SBF2: variants seen among roughly 807,000 people sequenced by gnomAD.
The protein encoded by SBF2 is SET binding factor 2.
SBF2 carries 112 observed loss-of-function variants against 225.2 expected under a neutral mutation model. The observed-to-expected ratio is 0.50, with a 90% CI of 0.43 to 0.58. The LOEUF (loss-of-function observed/expected upper bound fraction) is 0.58. Among genes scored for constraint, SBF2 ranks in the 20% least tolerant of loss-of-function variants. The pLI, the probability that SBF2 is intolerant of heterozygous loss-of-function variation, is 0.00. For synonymous variants in SBF2, 763 were observed against 773.3 expected (o/e 0.99, Z 0.22); for missense variants, 1,996 against 2,206.2 (o/e 0.90, Z 1.91).
chr11:10,247,883 T>G (rs1959965275), intron 1 of SBF2, among the ~76,000 whole-genome samples: 1 of 152,136 alleles, frequency 6.6e-6, no homozygotes, highest in South Asian at 2.1e-4. Context: ...TAACTTCATA[T>G]TGTTCAAAGA....
intron 4 of SBF2, 127 bp downstream of exon 4, chr11:10,030,921 C>T (rs982936405): frequency 2.5e-6 from 2 of 805,716 alleles, no homozygotes; most frequent in Non-Finnish European, 4.0e-6. Context: ...TTCATGCTAA[C>T]TGTATTTCAT....
At chr11:9,814,434 A>G (rs1016792820) in intron 29 of SBF2, among the ~76,000 whole-genome samples, 5 of 152,162 alleles carry the variant, frequency 3.3e-5, no homozygotes, top group African/African-American at 1.2e-4. Context: ...TGTCTTAATA[A>G]TTCTATTTTT....
chr11:9,891,075 G>T (rs1484736207), intron 17 of SBF2, among the ~76,000 whole-genome samples: 1 of 151,930 alleles, frequency 6.6e-6, no homozygotes, highest in Non-Finnish European at 1.5e-5. Flanking sequence ...GGTAGAGGTT[G>T]CAGTGAGCTG....
chr11:10,253,118 C>CAAA (rs546522229), intron 1 of SBF2, among the ~76,000 whole-genome samples: 18,018 of 76,566 alleles, frequency 0.24, 1,775 homozygotes, highest in Non-Finnish European at 0.31. Context: ...AGGTAAATAC[C>CAAA]AAAAAAAAAA....
intron 1 of SBF2, among the ~76,000 whole-genome samples, chr11:10,210,240 C>T (rs1457188947): frequency 6.6e-6 from 1 of 151,894 alleles, no homozygotes; most frequent in African/African-American, 2.4e-5. Context: ...CCTACAAGGT[C>T]AAGGCTGCAG....
chr11:9,783,265 A>G (rs1675248441), intron 38 of SBF2, among the ~76,000 whole-genome samples: 1 of 152,236 alleles, frequency 6.6e-6, no homozygotes, highest in African/African-American at 2.4e-5. Context: ...ATATTTGAAC[A>G]TAAATTATCT....
chr11:10,114,025 T>C (rs995146436), intron 2 of SBF2, among the ~76,000 whole-genome samples: 9 of 151,610 alleles, frequency 5.9e-5, no homozygotes, highest in Middle Eastern at 3.4e-3. Flanking sequence ...TATTGATCAA[T>C]GTTAGGAAGA....
intron 28 of SBF2, among the ~76,000 whole-genome samples, chr11:9,823,515 AAAAG>A (rs1192449065): frequency 2.0e-5 from 3 of 152,114 alleles, no homozygotes; most frequent in Admixed American, 6.5e-5. Flanking sequence ...AAAAAAAAAA[AAAAG>A]AAGAAGAAGA....
chr11:10,073,714 G>A (rs187393507), intron 2 of SBF2, among the ~76,000 whole-genome samples: 60 of 152,036 alleles, frequency 3.9e-4, no homozygotes, highest in African/African-American at 1.3e-3. Flanking sequence ...GACAGAGTGC[G>A]GCTCCAACTC....
chr11:10,248,603 A>G (rs906489964), intron 1 of SBF2, among the ~76,000 whole-genome samples: 1 of 152,258 alleles, frequency 6.6e-6, no homozygotes, highest in Non-Finnish European at 1.5e-5. Flanking sequence ...AGTGTAATGT[A>G]TATTTGAAAC....
intron 16 of SBF2, among the ~76,000 whole-genome samples, chr11:9,917,677 T>C (rs1397581398): frequency 6.6e-6 from 1 of 150,814 alleles, no homozygotes; most frequent in Non-Finnish European, 1.5e-5. Context: ...TTAGTATTCC[T>C]CACTTTTTTT....
At position 10,271,881 on chromosome 11, in the gene SBF2, T is replaced by A. The variant is rs1277243290; in HGVS notation, c.55+22134A>T. ...AAAATTCTATTCCTTCACCCAGTTT[T>A]CTCACTCAAGTAGAAACTCATGAAT... is the stretch of plus-strand genomic sequence containing the variant. On this transcript the variant is annotated intron_variant, in intron 1 of 39. Coordinates refer to ENST00000256190, the MANE Select transcript of SBF2 (RefSeq NM_030962.4). 1.8e-5 allele frequency among the ~76,000 whole-genome samples: 2 copies of A among 112,224 alleles called. 1 individual carries two copies. Among genetic ancestry groups the A allele is most frequent in the Admixed American group, 1.8e-4 (2 of 10,964 alleles). The allele number at this position is 112,224 out of a possible 152,430, so 73.6% of individuals were successfully genotyped here.
At chr11:9,853,159 C>A (rs1346737927) in intron 20 of SBF2, among the ~76,000 whole-genome samples, 1 of 152,080 alleles carries the variant, frequency 6.6e-6, no homozygotes, top group Non-Finnish European at 1.5e-5. Context: ...CCCAAAAGTA[C>A]AAATATTATC....
In SBF2 at chr11:10,201,978, C is replaced by T. The variant is rs371045251; in HGVS notation, c.56-7991G>A. 5.3e-5 allele frequency among the ~76,000 whole-genome samples: 8 copies of T among 152,312 alleles called. No individual in the cohort carries two copies. In the East Asian group the frequency reaches 9.6e-4, roughly 18 times the overall value. On this transcript the variant is annotated intron_variant, in intron 1 of 39. Transcript: ENST00000256190. ...GCTACACAGCTTTAATCCTTATAAA[C>T]TCACAGTTCACTGAGAATGTATAAA...
At chr11:10,252,316 A>G (rs188595853) in intron 1 of SBF2, among the ~76,000 whole-genome samples, 1 of 152,390 alleles carries the variant, frequency 6.6e-6, no homozygotes, top group East Asian at 1.9e-4. Flanking sequence ...AGCAAACCAA[A>G]TATGGCCTGA....
intron 26 of SBF2, 50 bp downstream of exon 26, chr11:9,839,448 T>C (rs780413625): frequency 1.3e-6 from 2 of 1,567,094 alleles, no homozygotes; most frequent in Admixed American, 3.3e-5. Context: ...AAGATTCAAA[T>C]AAGAAGAAAG....
Position 9,975,099 on chromosome 11 carries a change from A to T in SBF2, c.1396-6554T>A, listed in dbSNP as rs562250883. ...AAATAACGTAGACACTTGAGAAAAC[A>T]GTTTGGCAGTTTCCTATACAGTTAA... On this transcript the variant is annotated intron_variant, in intron 13 of 39. Transcript: ENST00000256190. 4.6e-5 allele frequency among the ~76,000 whole-genome samples: 7 copies of T among 152,204 alleles called. No individual in the cohort carries two copies. The East Asian group carries it at 1.3e-3, about 29-fold the overall frequency.
At chr11:10,264,573 ATTT>A (rs1343788643) in intron 1 of SBF2, among the ~76,000 whole-genome samples, 2 of 152,044 alleles carry the variant, frequency 1.3e-5, no homozygotes, top group Non-Finnish European at 2.9e-5. Context: ...TTATTTTTTT[ATTT>A]TTGTTAATTT....
intron 16 of SBF2, among the ~76,000 whole-genome samples, chr11:9,914,041 G>C (rs1862870560): frequency 6.6e-6 from 1 of 152,112 alleles, no homozygotes; most frequent in South Asian, 2.1e-4. Flanking sequence ...ATCACATTTG[G>C]CTATCAAGAT....
Sources: gnomAD v4.1 joint callset for allele counts (sites outside exome capture counted in the v4.1 genomes callset) on GRCh38, gnomAD v4.1.1 for gene constraint, MANE v1.5 for transcripts, NCBI Gene and HGNC (gene_info 2026-07-23, HGNC 2026-07-21) for gene names.